The following CTNND2 variants were observed in gnomAD, a reference collection of about 807,000 sequenced individuals.
The protein encoded by CTNND2 is catenin delta-2.
CTNND2 carries 22 observed loss-of-function variants against 144.4 expected under a neutral mutation model. The ratio of observed to expected loss-of-function variants is 0.15; its 90% CI spans 0.11 to 0.22. The LOEUF is 0.22. Ranked by LOEUF, CTNND2 falls within the 10% of genes least tolerant of loss-of-function variation. The probability of loss-of-function intolerance (pLI) is 1.00; values close to 1 mark genes in which losing one functional copy is unlikely to be tolerated. For synonymous variants in CTNND2, 751 were observed against 695.6 expected (o/e 1.08, Z -1.25); for missense variants, 1,353 against 1,618.8 (o/e 0.84, Z 2.82).
chr5:11,507,528 T>A (rs1175008980), intron 3 of CTNND2, among the ~76,000 whole-genome samples: 3 of 152,106 alleles, frequency 2.0e-5, no homozygotes, highest in Non-Finnish European at 4.4e-5. Flanking sequence ...GGCTCCTAGG[T>A]GTGGTGATGA....
chr5:11,081,072 TCACACACACACACA>T (rs55951127), intron 16 of CTNND2, among the ~76,000 whole-genome samples: 4 of 144,980 alleles, frequency 2.8e-5, no homozygotes, highest in Admixed American at 1.4e-4. Flanking sequence ...TGAGACCCTG[TCACACACACACACA>T]CACACACACA....
intron 1 of CTNND2, among the ~76,000 whole-genome samples, chr5:11,819,884 A>G (rs952439718): frequency 1.3e-5 from 2 of 152,182 alleles, no homozygotes; most frequent in East Asian, 3.9e-4. Context: ...AAGGTATGTT[A>G]GTGATTCTCT....
intron 8 of CTNND2, among the ~76,000 whole-genome samples, chr5:11,354,673 C>T (rs1216069465): frequency 6.6e-6 from 1 of 152,122 alleles, no homozygotes; most frequent in Non-Finnish European, 1.5e-5. Flanking sequence ...CTTCAACCCC[C>T]CTTTAAGTGT....
intron 9 of CTNND2, among the ~76,000 whole-genome samples, chr5:11,344,176 G>A (rs1480190248): frequency 6.6e-6 from 1 of 151,704 alleles, no homozygotes; most frequent in Non-Finnish European, 1.5e-5. Flanking sequence ...AGGCCGAGGC[G>A]GGTGGATCAC....
intron 1 of CTNND2, among the ~76,000 whole-genome samples, chr5:11,865,650 A>T (rs1795725818): frequency 6.6e-6 from 1 of 152,168 alleles, no homozygotes. Context: ...GTTATGTTCA[A>T]CACAAAAGAG....
At chr5:11,327,841 C>T (rs1580917595) in intron 9 of CTNND2, among the ~76,000 whole-genome samples, 1 of 152,146 alleles carries the variant, frequency 6.6e-6, no homozygotes, top group Non-Finnish European at 1.5e-5. Context: ...TGGGATTCTG[C>T]ATTTCTAACC....
intron 13 of CTNND2, among the ~76,000 whole-genome samples, chr5:11,114,859 G>A (rs1258948646): frequency 6.6e-6 from 1 of 152,116 alleles, no homozygotes; most frequent in African/African-American, 2.4e-5. Context: ...AAGCGGCCAA[G>A]CAGAGGGCTG....
At chr5:11,500,377 C>T (rs1380909430) in intron 3 of CTNND2, among the ~76,000 whole-genome samples, 1 of 152,146 alleles carries the variant, frequency 6.6e-6, no homozygotes, top group Admixed American at 6.5e-5. Context: ...TAATCCCTTT[C>T]AGAATTGAGG....
intron 3 of CTNND2, among the ~76,000 whole-genome samples, chr5:11,416,457 G>A (rs1353842861): frequency 1.3e-5 from 2 of 152,172 alleles, no homozygotes; most frequent in Non-Finnish European, 2.9e-5. Context: ...TGATCACAGA[G>A]AATGGAAGTC....
chr5:11,529,448 G>A lies in CTNND2; in HGVS notation c.287+35496C>T, dbSNP rs1202387192. Among the ~76,000 whole-genome samples, 3 of 152,330 alleles carry A rather than the reference G, an allele frequency of 2.0e-5. No homozygotes were observed. The East Asian group carries it at 5.8e-4, about 29-fold the overall frequency. ...AGTTCATAAACAAGAAATACACACT[G>A]TGGTTCTACATAATTTGAGCCATCT... On this transcript the variant is annotated intron_variant, in intron 3 of 21. Transcript: ENST00000304623.
At chr5:11,117,892 T>C (rs776496396) in intron 12 of CTNND2, among the ~76,000 whole-genome samples, 4 of 152,218 alleles carry the variant, frequency 2.6e-5, no homozygotes, top group Non-Finnish European at 4.4e-5. Flanking sequence ...CAGAAGCTTT[T>C]TGATTCAAAG....
At chr5:11,349,837 A>G (rs1365273287) in intron 8 of CTNND2, among the ~76,000 whole-genome samples, 1 of 151,852 alleles carries the variant, frequency 6.6e-6, no homozygotes, top group Non-Finnish European at 1.5e-5. Flanking sequence ...AATATATTAC[A>G]AAATTGTTAT....
At chr5:11,101,827 A>G (rs941159444) in intron 14 of CTNND2, among the ~76,000 whole-genome samples, 4 of 152,194 alleles carry the variant, frequency 2.6e-5, no homozygotes, top group African/African-American at 9.6e-5. Flanking sequence ...TTTCCAGGAC[A>G]GCAGTGGTGG....
chr5:11,206,223 T>A (rs1466537447), intron 10 of CTNND2, among the ~76,000 whole-genome samples: 1 of 152,188 alleles, frequency 6.6e-6, no homozygotes, highest in East Asian at 1.9e-4. Flanking sequence ...ATCGAATAGA[T>A]CTCTTGCTAA....
chr5:11,270,574 G>T (rs1745897590), intron 9 of CTNND2, among the ~76,000 whole-genome samples: 1 of 151,964 alleles, frequency 6.6e-6, no homozygotes, highest in South Asian at 2.1e-4. Context: ...ATTCAACAGG[G>T]AGACAATAGA....
Position 11,196,096 on chromosome 5 carries a change from T to G in CTNND2, c.1975+3352A>C, listed in dbSNP as rs181625793. 6.6e-5 allele frequency among the ~76,000 whole-genome samples: 10 copies of G among 152,380 alleles called. No individual in the cohort carries two copies. In the East Asian group the frequency reaches 1.5e-3, roughly 23 times the overall value. ...ATATCTCAATTTTAACTCTTTATCA[T>G]TGTTCAAATTGTTTGCCAAGCAATA... On this transcript the variant is annotated intron_variant, in intron 11 of 21. Transcript: ENST00000304623.
chr5:11,783,699 C>T (rs778500495), intron 1 of CTNND2, among the ~76,000 whole-genome samples: 8 of 152,170 alleles, frequency 5.3e-5, no homozygotes, highest in Non-Finnish European at 1.0e-4. Context: ...TACCTGTATG[C>T]AATGGAGGAG....
chr5:11,268,874 C>G (rs541751506), intron 9 of CTNND2, among the ~76,000 whole-genome samples: 2 of 152,254 alleles, frequency 1.3e-5, no homozygotes, highest in South Asian at 4.1e-4. Context: ...CACACTGACC[C>G]TTTTAAACTC....
At chr5:11,162,796 C>T (rs140091205) in intron 11 of CTNND2, among the ~76,000 whole-genome samples, 1 of 151,856 alleles carries the variant, frequency 6.6e-6, no homozygotes, top group Non-Finnish European at 1.5e-5. Context: ...ATAGAAGCAG[C>T]AGTTTCTGGA....
Sources: allele counts gnomAD v4.1 joint callset (sites outside exome capture counted in the v4.1 genomes callset), GRCh38; gene constraint gnomAD v4.1.1; transcripts MANE v1.5; gene names NCBI Gene and HGNC (gene_info 2026-07-23, HGNC 2026-07-21).